Variants in PLCB4 observed in about 807,000 individuals in gnomAD.
PLCB4 encodes the protein 1-phosphatidylinositol 4,5-bisphosphate phosphodiesterase beta-4.
Under a neutral mutation model 178.8 loss-of-function variants are expected in PLCB4, and 77 were observed. The observed-to-expected ratio is 0.43, with a 90% CI of 0.36 to 0.52. PLCB4 has a LOEUF of 0.52. Among genes scored for constraint, PLCB4 ranks in the 20% least tolerant of loss-of-function variants. The pLI is 0.00. For missense variants in PLCB4, 1,024 were observed against 1,453.4 expected (o/e 0.70, Z 4.80); for synonymous variants, 496 against 490.8 (o/e 1.01, Z -0.14).
At chr20:9,395,401 T>A in intron 18 of PLCB4, 122 bp from the exon 19 acceptor site, 1 of 677,742 alleles carries the variant, frequency 1.5e-6, no homozygotes, top group Non-Finnish European at 2.6e-6. Flanking sequence ...ACATGGTGCC[T>A]TGGTGCCTGA....
At chr20:9,228,708 G>C (rs759508301) in intron 3 of PLCB4, among the ~76,000 whole-genome samples, 34 of 152,168 alleles carry the variant, frequency 2.2e-4, no homozygotes, top group Non-Finnish European at 1.8e-4. Flanking sequence ...ATTAGACACT[G>C]CTGAGCCTAG....
At chr20:9,420,503 A>G (rs2040556991) in intron 26 of PLCB4, among the ~76,000 whole-genome samples, 1 of 151,846 alleles carries the variant, frequency 6.6e-6, no homozygotes, top group Non-Finnish European at 1.5e-5. Context: ...TAATTTTTAT[A>G]TTTTTAGTAG....
chr20:9,319,656 G>A (rs1306581451), intron 4 of PLCB4, among the ~76,000 whole-genome samples: 1 of 151,692 alleles, frequency 6.6e-6, no homozygotes, highest in Non-Finnish European at 1.5e-5. Flanking sequence ...CAAGTTGAAT[G>A]TCCCAGATCA....
intron 2 of PLCB4, among the ~76,000 whole-genome samples, chr20:9,145,724 G>T (rs1169830445): frequency 2.0e-5 from 3 of 151,968 alleles, no homozygotes; most frequent in South Asian, 2.1e-4. Context: ...TCATCTGTGA[G>T]CCACCTAAAT....
chr20:9,090,175 A>G (rs1432863779), intron 1 of PLCB4, among the ~76,000 whole-genome samples: 3 of 151,652 alleles, frequency 2.0e-5, no homozygotes, highest in African/African-American at 2.4e-5. Context: ...ATAACTGTAT[A>G]GGAGAAAAAC....
chr20:9,367,330 G>T, intron 9 of PLCB4, among the ~76,000 whole-genome samples: 1 of 152,176 alleles, frequency 6.6e-6, no homozygotes, highest in South Asian at 2.1e-4. Flanking sequence ...ATTTGTTGTG[G>T]TCTTTCCAAA....
chr20:9,274,900 T>G (rs1345433240), intron 3 of PLCB4, among the ~76,000 whole-genome samples: 1 of 152,106 alleles, frequency 6.6e-6, no homozygotes, highest in Non-Finnish European at 1.5e-5. Flanking sequence ...TCTTTGTCCC[T>G]TTTCATTTTG....
chr20:9,290,072 C>T (rs1187215812), intron 3 of PLCB4, among the ~76,000 whole-genome samples: 1 of 151,734 alleles, frequency 6.6e-6, no homozygotes, highest in East Asian at 1.9e-4. Context: ...TCCTGGTCTC[C>T]AGGTCAGGCC....
intron 7 of PLCB4, among the ~76,000 whole-genome samples, 176 bp from the exon 8 acceptor site, chr20:9,362,720 T>A (rs1422773256): frequency 3.9e-5 from 6 of 152,182 alleles, no homozygotes; most frequent in Non-Finnish European, 7.4e-5. Flanking sequence ...ATGAAAGCTG[T>A]TTATTAAAGA....
At chr20:9,091,538 G>A (rs981350618) in intron 1 of PLCB4, among the ~76,000 whole-genome samples, 2 of 151,718 alleles carry the variant, frequency 1.3e-5, no homozygotes, top group African/African-American at 2.4e-5. Context: ...ACCTTCCTAG[G>A]TTTGAGTATC....
intron 2 of PLCB4, among the ~76,000 whole-genome samples, chr20:9,193,992 A>G (rs1203195337): frequency 6.6e-6 from 1 of 152,040 alleles, no homozygotes; most frequent in African/African-American, 2.4e-5. Flanking sequence ...GTCTTTAAGC[A>G]TGAACTGCTT....
intron 7 of PLCB4, among the ~76,000 whole-genome samples, chr20:9,340,025 T>C (rs1427688628): frequency 1.1e-4 from 16 of 152,132 alleles, no homozygotes; most frequent in Admixed American, 1.0e-3. Flanking sequence ...AAACATGGGT[T>C]TGGGGGAATG....
intron 1 of PLCB4, among the ~76,000 whole-genome samples, chr20:9,071,638 A>T (rs906043511): frequency 6.6e-6 from 1 of 152,036 alleles, no homozygotes; most frequent in Non-Finnish European, 1.5e-5. Context: ...GCAGATTATT[A>T]AAAAAAATTA....
chr20:9,451,087 A>G (rs1398740414), intron 32 of PLCB4, among the ~76,000 whole-genome samples: 2 of 152,178 alleles, frequency 1.3e-5, no homozygotes, highest in African/African-American at 4.8e-5. Context: ...CTTTTTATTC[A>G]TGCGATAAAT....
At chr20:9,259,615 C>T (rs2094276193) in intron 3 of PLCB4, among the ~76,000 whole-genome samples, 1 of 152,002 alleles carries the variant, frequency 6.6e-6, no homozygotes, top group Non-Finnish European at 1.5e-5. Context: ...GAATGGCATA[C>T]TGTGGAGTTA....
intron 2 of PLCB4, among the ~76,000 whole-genome samples, chr20:9,212,417 G>A (rs1313579450): frequency 6.6e-6 from 1 of 152,148 alleles, no homozygotes; most frequent in Non-Finnish European, 1.5e-5. Context: ...GACATCACAT[G>A]CTAGTCTTTT....
intron 25 of PLCB4, among the ~76,000 whole-genome samples, chr20:9,419,531 T>G (rs146311038): frequency 1.3e-5 from 2 of 152,332 alleles, no homozygotes; most frequent in East Asian, 3.9e-4. Context: ...GCATTTTATT[T>G]TATACATATA....
intron 2 of PLCB4, among the ~76,000 whole-genome samples, chr20:9,183,935 TA>T (rs1408219706): frequency 1.3e-5 from 2 of 152,168 alleles, no homozygotes; most frequent in African/African-American, 2.4e-5. Flanking sequence ...ATGAAGCTAT[TA>T]AAAAATTCTA....
intron 31 of PLCB4, 36 bp from the exon 32 acceptor site, chr20:9,444,142 A>C (rs1409254217): frequency 9.8e-6 from 15 of 1,534,824 alleles, no homozygotes; most frequent in Non-Finnish European, 1.3e-5. Flanking sequence ...AAGAAAAAAC[A>C]AAAAACCTAT....
Sources: allele counts gnomAD v4.1 joint callset (sites outside exome capture counted in the v4.1 genomes callset), GRCh38; gene constraint gnomAD v4.1.1; transcripts MANE v1.5; gene names NCBI Gene and HGNC (gene_info 2026-07-23, HGNC 2026-07-21).